PDS5B: variants seen among roughly 807,000 people sequenced by gnomAD.
PDS5B encodes PDS5 cohesin associated factor B.
In PDS5B, 51 loss-of-function variants were observed where a neutral mutation model predicts 184.1. The ratio of observed to expected loss-of-function variants is 0.28; its 90% CI spans 0.22 to 0.35. PDS5B has a LOEUF of 0.35. Among genes scored for constraint, PDS5B ranks in the 10% least tolerant of loss-of-function variants. PDS5B has a pLI of 1.00. For missense variants in PDS5B, 1,180 were observed against 1,723.3 expected, an observed-to-expected ratio of 0.68 and a Z score of 5.58; for synonymous variants, 566 against 569.2, an observed-to-expected ratio of 0.99 and a Z score of 0.08.
rs1954982940 is a variant in PDS5B, at chr13:32,777,297, C to T, written c.*2245C>T. 6.7e-6 allele frequency: 1 copy of T among 149,338 alleles called. No homozygotes were observed. Among genetic ancestry groups the T allele is most frequent in the African/African-American group, 2.5e-5 (1 of 40,448 alleles). The allele number at this position is 149,338 out of a possible 1,614,324, so 9.3% of individuals were successfully genotyped here. A position where few individuals can be genotyped will look rare whatever the true frequency, so the allele number is the denominator to read the frequency against. ...GCCAATGAGTCTGTAATTTTACGAC[C>T]TGTCTGTTCTTTTTTTGGGTGGATT... On this transcript the variant is annotated 3_prime_UTR_variant, in exon 35 of 35. Coordinates refer to ENST00000315596, the MANE Select transcript of PDS5B (RefSeq NM_015032.4).
chr13:32,749,725 A>G (rs1418609008), intron 24 of PDS5B, among the ~76,000 whole-genome samples: 1 of 152,180 alleles, frequency 6.6e-6, no homozygotes, highest in Non-Finnish European at 1.5e-5. Flanking sequence ...TAGTTTTGAG[A>G]TACTTTGTAC....
At chr13:32,760,002 G>A (rs1307748309) in intron 29 of PDS5B, among the ~76,000 whole-genome samples, 1 of 151,976 alleles carries the variant, frequency 6.6e-6, no homozygotes, top group Middle Eastern at 3.2e-3. Context: ...TGTTGCCCAG[G>A]CTGGAGTGCA....
chr13:32,663,811 T>C (rs1251437170), intron 6 of PDS5B, among the ~76,000 whole-genome samples: 1 of 152,238 alleles, frequency 6.6e-6, no homozygotes, highest in Non-Finnish European at 1.5e-5. Context: ...TTAGTGCCCC[T>C]GTCACCTGAG....
chr13:32,656,270 C>CTTA, intron 3 of PDS5B, among the ~76,000 whole-genome samples: 1 of 71,990 alleles, frequency 1.4e-5, no homozygotes, highest in Non-Finnish European at 2.8e-5. Flanking sequence ...ATGTCTCCAG[C>CTTA]TTCTTTTTTT....
intron 1 of PDS5B, among the ~76,000 whole-genome samples, chr13:32,630,781 C>T (rs1288255852): frequency 1.4e-5 from 2 of 146,608 alleles, no homozygotes; most frequent in African/African-American, 4.9e-5. Flanking sequence ...AAACAGTTCT[C>T]TTCCTTACTT....
rs907584857 is a variant in PDS5B, at chr13:32,626,245, C to G, written c.-19-22509C>G. 2.6e-5 allele frequency among the ~76,000 whole-genome samples: 4 copies of G among 152,068 alleles called. No individual in the cohort carries two copies. The South Asian group carries it at 8.3e-4, about 32-fold the overall frequency. On this transcript the variant is annotated intron_variant, in intron 1 of 34. Transcript: ENST00000315596. ...ACTGAGTTGTTGAAGTGCTAGAGGC[C>G]CCTGTGAATGCAGTTACAGGTATGG... is the stretch of plus-strand genomic sequence containing the variant.
chr13:32,757,742 G>T (rs1954236764), intron 26 of PDS5B, among the ~76,000 whole-genome samples: 1 of 152,076 alleles, frequency 6.6e-6, no homozygotes. Flanking sequence ...CTTGATCCGT[G>T]GCCCCACTAT....
chr13:32,619,955 C>T (rs921644590), intron 1 of PDS5B, among the ~76,000 whole-genome samples: 9 of 151,956 alleles, frequency 5.9e-5, no homozygotes, highest in East Asian at 1.9e-4. Flanking sequence ...CCCGCAACCA[C>T]GCCCAGCTAA....
chr13:32,707,654 A>G (rs1952069480), intron 18 of PDS5B, among the ~76,000 whole-genome samples: 1 of 144,168 alleles, frequency 6.9e-6, no homozygotes, highest in African/African-American at 2.6e-5. Flanking sequence ...GCTGTCATCT[A>G]GTAGCTGTCT....
chr13:32,695,800 C>G (rs1045746708), intron 14 of PDS5B, among the ~76,000 whole-genome samples: 3 of 151,984 alleles, frequency 2.0e-5, no homozygotes, highest in Non-Finnish European at 2.9e-5. Flanking sequence ...GACTTTCCTG[C>G]TGAGTCATAC....
chr13:32,758,786 A>G, intron 28 of PDS5B, 133 bp downstream of exon 28: 1 of 811,346 alleles, frequency 1.2e-6, no homozygotes, highest in East Asian at 2.5e-5. Flanking sequence ...CAGAACCAGA[A>G]TATGAGTCAA....
chr13:32,684,587 T>C (rs1566324912), intron 11 of PDS5B, among the ~76,000 whole-genome samples: 1 of 152,224 alleles, frequency 6.6e-6, no homozygotes, highest in Non-Finnish European at 1.5e-5. Context: ...GACTGTATCT[T>C]GTTATGTTTG....
chr13:32,742,483 TTTTCTTAAAAA>T, intron 22 of PDS5B, 97 bp from the exon 23 acceptor site: 2 of 872,798 alleles, frequency 2.3e-6, no homozygotes, highest in Non-Finnish European at 1.7e-6. Context: ...GAATTTTTTC[TTTTCTTAAAAA>T]GCATCCATTA....
Position 32,655,575 on chromosome 13 carries a change from G to A in PDS5B, c.313-2664G>A, listed in dbSNP as rs114435094. ...TGTATTAGTAGAGTGGTTTTACCACGTTGACTGGGCTGGTCTTGAACTCCT... is the reference window on the plus strand; with the variant it reads ...TGTATTAGTAGAGTGGTTTTACCACATTGACTGGGCTGGTCTTGAACTCCT... On this transcript the variant is annotated intron_variant, in intron 3 of 34. Coordinates refer to ENST00000315596, the MANE Select transcript of PDS5B (RefSeq NM_015032.4). Among the ~76,000 whole-genome samples, 930 of 151,010 alleles carry A rather than the reference G, an allele frequency of 6.2e-3. 17 individuals are homozygous for A. Among genetic ancestry groups the A allele is most frequent in the African/African-American group, 0.022 (893 of 41,110 alleles).
chr13:32,625,154 T>C (rs1308945402), intron 1 of PDS5B, among the ~76,000 whole-genome samples: 1 of 152,198 alleles, frequency 6.6e-6, no homozygotes, highest in Non-Finnish European at 1.5e-5. Flanking sequence ...TCTCACTCTG[T>C]AGCCCAGGCT....
chr13:32,773,134 G>A (rs1954845588), intron 33 of PDS5B, 55 bp from the exon 34 acceptor site: 1 of 1,461,994 alleles, frequency 6.8e-7, no homozygotes, highest in Non-Finnish European at 9.3e-7. Flanking sequence ...TTCTAACGAG[G>A]TAATCTACTG....
rs143515697 is a variant in PDS5B at position 32,629,296 on chromosome 13, A to G, written c.-19-19458A>G. ...TAACCTTTTCTTTTTTTTCTAGGTC[A>G]AACCAGACATTGAGATCACTGGCTT... On this transcript the variant is annotated intron_variant, in intron 1 of 34. Coordinates refer to ENST00000315596, the MANE Select transcript of PDS5B (RefSeq NM_015032.4). 2.7e-3 allele frequency among the ~76,000 whole-genome samples: 418 copies of G among 152,102 alleles called. 1 individual carries two copies. The highest frequency in any genetic ancestry group is 0.014 in the Middle Eastern group (4 of 294).
intron 1 of PDS5B, among the ~76,000 whole-genome samples, chr13:32,596,680 C>T (rs2057877017): frequency 6.6e-6 from 1 of 151,894 alleles, no homozygotes; most frequent in Non-Finnish European, 1.5e-5. Context: ...TTAATTTTAG[C>T]TATTCTAGTG....
rs142865888 is a variant in PDS5B at position 32,765,046 on chromosome 13, G to A, written c.3624+452G>A. On this transcript the variant is annotated intron_variant, in intron 31 of 34. Transcript: ENST00000315596. ...AAAGGTAGAAAATGCTATAGTTCTC[G>A]TCAAGTCCTTGTTCAGTTTTTAAAT... Among the ~76,000 whole-genome samples, 462 of 152,202 alleles carry A rather than the reference G, an allele frequency of 3.0e-3. 1 individual carries two copies. Among genetic ancestry groups the A allele is most frequent in the African/African-American group, 0.011 (450 of 41,544 alleles).
Sources: allele counts gnomAD v4.1 joint callset (sites outside exome capture counted in the v4.1 genomes callset), GRCh38; gene constraint gnomAD v4.1.1; transcripts MANE v1.5; gene names NCBI Gene and HGNC (gene_info 2026-07-23, HGNC 2026-07-21).